Variants in PTK2 observed in about 807,000 individuals in gnomAD.
PTK2 encodes the protein focal adhesion kinase 1.
PTK2 carries 45 observed loss-of-function variants against 150.1 expected under a neutral mutation model. That is an observed-to-expected ratio of 0.30 (90% CI 0.24 to 0.38). PTK2 has a LOEUF of 0.38. Ranked by LOEUF, PTK2 falls within the 10% of genes least tolerant of loss-of-function variation. The pLI, the probability that PTK2 is intolerant of heterozygous loss-of-function variation, is 1.00. For synonymous variants in PTK2, 432 were observed against 449.2 expected, an observed-to-expected ratio of 0.96 and a Z score of 0.48; for missense variants, 919 against 1,307.3, an observed-to-expected ratio of 0.70 and a Z score of 4.58.
intron 5 of PTK2, among the ~76,000 whole-genome samples, chr8:140,850,662 G>A (rs545642288): frequency 7.9e-5 from 12 of 152,056 alleles, no homozygotes; most frequent in Admixed American, 4.6e-4. Context: ...CGCGGGAGGC[G>A]GAGCTTGCAG....
intron 11 of PTK2, among the ~76,000 whole-genome samples, chr8:140,803,040 G>A (rs902812906): frequency 3.0e-4 from 33 of 108,706 alleles, no homozygotes; most frequent in African/African-American, 1.1e-3. Flanking sequence ...TTTGAGACAC[G>A]GTCTTGCTCT....
chr8:140,855,052 A>T (rs1236537347), intron 5 of PTK2, among the ~76,000 whole-genome samples: 1 of 152,148 alleles, frequency 6.6e-6, no homozygotes, highest in African/African-American at 2.4e-5. Flanking sequence ...ACAGTGGCAC[A>T]ACCATTTCTC....
At chr8:140,662,985 T>C (rs921192600) in intron 31 of PTK2, 4 of 401,434 alleles carry the variant, frequency 1.0e-5, no homozygotes, top group African/African-American at 4.1e-5. Context: ...ACGTGCAAAG[T>C]GTAATCCTGG....
upstream of PTK2, chr8:141,001,989 G>A (rs1741234899): frequency 6.6e-6 from 1 of 152,250 alleles, no homozygotes; most frequent in African/African-American, 2.4e-5. Flanking sequence ...AACGAGCCCT[G>A]CAATCCCTCC....
At chr8:140,970,815 C>A (rs140694885) in intron 1 of PTK2, among the ~76,000 whole-genome samples, 3 of 151,950 alleles carry the variant, frequency 2.0e-5, no homozygotes, top group African/African-American at 7.2e-5. Context: ...GGCTCTCCAT[C>A]TTATGTGGAT....
intron 8 of PTK2, among the ~76,000 whole-genome samples, chr8:140,829,814 T>A (rs1301486861): frequency 1.3e-5 from 2 of 152,138 alleles, no homozygotes; most frequent in Non-Finnish European, 2.9e-5. Flanking sequence ...ACCCTGAGGC[T>A]AGAAAATGGC....
chr8:140,828,329 A>G (rs1213180981), intron 8 of PTK2, among the ~76,000 whole-genome samples: 2 of 152,174 alleles, frequency 1.3e-5, no homozygotes, highest in Admixed American at 6.5e-5. Flanking sequence ...TGGAGGAGAC[A>G]GGGCCAGTCC....
chr8:140,950,352 C>T (rs1041245092), intron 1 of PTK2, among the ~76,000 whole-genome samples: 2 of 152,248 alleles, frequency 1.3e-5, no homozygotes, highest in Non-Finnish European at 2.9e-5. Flanking sequence ...GGCGCCACCT[C>T]GTTCCCCTCA....
At chr8:140,782,385 T>C (rs2100082297) in intron 14 of PTK2, among the ~76,000 whole-genome samples, 1 of 151,746 alleles carries the variant, frequency 6.6e-6, no homozygotes, top group African/African-American at 2.4e-5. Flanking sequence ...GCTGGGACTA[T>C]GGGCACACGC....
chr8:140,720,100 G>A (rs1345951905), intron 22 of PTK2, among the ~76,000 whole-genome samples: 1 of 152,052 alleles, frequency 6.6e-6, no homozygotes, highest in East Asian at 1.9e-4. Context: ...GCAGGTCACA[G>A]TTACAGACTC....
chr8:140,965,834 G>C (rs1470679824), intron 1 of PTK2, among the ~76,000 whole-genome samples: 1 of 152,134 alleles, frequency 6.6e-6, no homozygotes, highest in Admixed American at 6.5e-5. Flanking sequence ...CCAAGAACGC[G>C]CCACTGCACT....
At chr8:140,947,619 T>C (rs1409430850) in intron 1 of PTK2, among the ~76,000 whole-genome samples, 2 of 152,028 alleles carry the variant, frequency 1.3e-5, no homozygotes, top group Admixed American at 6.6e-5. Flanking sequence ...AACTGAAGTA[T>C]GCAAGTTTTT....
chr8:140,777,627 A>G (rs1470339262), intron 14 of PTK2, among the ~76,000 whole-genome samples: 2 of 152,194 alleles, frequency 1.3e-5, no homozygotes, highest in Non-Finnish European at 2.9e-5. Context: ...ATCCATAACT[A>G]AACTCCCATT....
chr8:141,000,127 C>CACACACACACACA (rs58481152), intron 1 of PTK2, among the ~76,000 whole-genome samples: 2,700 of 123,694 alleles, frequency 0.022, 107 homozygotes, highest in African/African-American at 0.035. Flanking sequence ...ACACACACAC[C>CACACACACACACA]CCTTCTTCTA....
At chr8:140,935,620 C>T (rs181673641) in intron 1 of PTK2, among the ~76,000 whole-genome samples, 1 of 151,924 alleles carries the variant, frequency 6.6e-6, no homozygotes, top group Admixed American at 6.6e-5. Flanking sequence ...CTGAGATTCA[C>T]TCTGTTATTT....
chr8:140,961,768 T>A (rs1187250569), intron 1 of PTK2, among the ~76,000 whole-genome samples: 1 of 152,180 alleles, frequency 6.6e-6, no homozygotes, highest in Non-Finnish European at 1.5e-5. Context: ...ACACATTTTT[T>A]AAAAGGCAAT....
intron 1 of PTK2, among the ~76,000 whole-genome samples, chr8:140,995,373 C>T (rs1437835420): frequency 3.9e-5 from 5 of 126,704 alleles, no homozygotes; most frequent in African/African-American, 6.1e-5. Context: ...CAGAGCAAGA[C>T]TCCGTCTCAA....
chr8:140,842,416 C>T (rs1220074328), intron 7 of PTK2, among the ~76,000 whole-genome samples: 1 of 151,758 alleles, frequency 6.6e-6, no homozygotes, highest in Non-Finnish European at 1.5e-5. Flanking sequence ...GGATAATAAT[C>T]ATAATTATAG....
exon 21 of PTK2, chr8:140,739,050 C>T: frequency 7.0e-6 from 11 of 1,576,424 alleles, no homozygotes; most frequent in Non-Finnish European, 9.5e-6. Flanking sequence ...TGAGGTAAAA[C>T]GTCGAAAATT....
Sources: gnomAD v4.1 joint callset for allele counts (sites outside exome capture counted in the v4.1 genomes callset) on GRCh38, gnomAD v4.1.1 for gene constraint, MANE v1.5 for transcripts, NCBI Gene and HGNC (gene_info 2026-07-23, HGNC 2026-07-21) for gene names.